The following ARHGEF28 variants were observed in gnomAD, a reference collection of about 807,000 sequenced individuals.
The protein encoded by ARHGEF28 is 190 kDa guanine nucleotide exchange factor.
In ARHGEF28, 152 loss-of-function variants were observed where a neutral mutation model predicts 206.6. That is an observed-to-expected ratio of 0.74 (90% CI 0.64 to 0.84). ARHGEF28 has a LOEUF of 0.84. ARHGEF28 is among the 40% of genes least tolerant of loss of function. ARHGEF28 has a pLI of 0.00. For missense variants in ARHGEF28, 2,028 were observed against 2,073.2 expected (o/e 0.98, Z 0.42); for synonymous variants, 763 against 776.4 (o/e 0.98, Z 0.29).
Position 73,909,789 on chromosome 5 carries a change from G to T in ARHGEF28, c.4539G>T (p.Leu1513=), listed in dbSNP as rs1452248837. The T allele has an allele frequency of 6.6e-7, 1 of 1,524,792 alleles. No individual in the cohort carries two copies. The highest frequency in any genetic ancestry group is 1.2e-5 in the South Asian group (1 of 80,056). The allele number at this position is 1,524,792 out of a possible 1,614,324, so 94.5% of individuals were successfully genotyped here. Residue 1513 remains leucine, a synonymous_variant, in exon 34 of 36, where the codon CTG becomes CTT. Transcript: ENST00000513042. ...AGCGGCTGAGGGAGGGCCAGCGCCT[G>T]GTGGAGAGGGAGCAGGCGAGGATGC... The part of the protein sequence containing the change: ...SLERLREGQR[L]VEREQARMRA...
chr5:73,758,055 C>T lies in ARHGEF28; in HGVS notation c.475+4853C>T, dbSNP rs1305116979. On this transcript the variant is annotated intron_variant, in intron 4 of 35. Transcript: ENST00000513042. The stretch of plus-strand genomic sequence containing the variant: ...CTTCCTGCTCCATCAAACTACCTCC[C>T]TCCACTTGTGTTCCCAGTAGCTTGA... Among the ~76,000 whole-genome samples the T allele has an allele frequency of 3.3e-5, 5 of 152,122 alleles. No individual in the cohort carries two copies. In the East Asian group the frequency reaches 9.6e-4, roughly 29 times the overall value.
intron 22 of ARHGEF28, among the ~76,000 whole-genome samples, chr5:73,878,263 T>C (rs1760665356): frequency 6.7e-6 from 1 of 149,834 alleles, no homozygotes; most frequent in South Asian, 2.1e-4. Flanking sequence ...CTTTTTTTGT[T>C]TTCCATTTGC....
intron 34 of ARHGEF28, among the ~76,000 whole-genome samples, chr5:73,910,130 C>G (rs554092814): frequency 6.6e-6 from 1 of 152,116 alleles, no homozygotes; most frequent in Non-Finnish European, 1.5e-5. Flanking sequence ...CCTGTAATCC[C>G]AGAACTTTGG....
At chr5:73,826,755 T>G (rs1756935497) in intron 9 of ARHGEF28, among the ~76,000 whole-genome samples, 1 of 152,172 alleles carries the variant, frequency 6.6e-6, no homozygotes. Context: ...CAATTCCCCT[T>G]CTTTCTATGG....
At chr5:73,628,605 C>T (rs1743156902) in intron 1 of ARHGEF28, among the ~76,000 whole-genome samples, 1 of 152,156 alleles carries the variant, frequency 6.6e-6, no homozygotes, top group Non-Finnish European at 1.5e-5. Flanking sequence ...ATCCCCCCAC[C>T]GGCCCCCGCC....
intron 14 of ARHGEF28, among the ~76,000 whole-genome samples, chr5:73,854,114 G>C (rs890262174): frequency 6.6e-6 from 1 of 151,728 alleles, no homozygotes. Flanking sequence ...ATATGCCTTG[G>C]TGTATCTAGT....
intron 16 of ARHGEF28, 58 bp from the exon 17 acceptor site, chr5:73,864,759 T>A: frequency 5.5e-6 from 8 of 1,451,444 alleles, no homozygotes; most frequent in Non-Finnish European, 7.6e-6. Context: ...TGTAGTCTTA[T>A]TAATTTCAGA....
chr5:73,894,500 C>A lies in ARHGEF28; in HGVS notation c.3766C>A (p.Pro1256Thr). 2.5e-6 allele frequency: 4 copies of A among 1,613,946 alleles called. No homozygotes were observed. The highest frequency in any genetic ancestry group is 3.4e-6 in the Non-Finnish European group (4 of 1,179,880). Residue 1256 changes from proline to threonine, a missense_variant, in exon 29 of 36, where the codon CCC becomes ACC. By Grantham distance (38) the Pro-to-Thr change is conservative. Around this residue, in one of 3 missense-constraint regions of ARHGEF28, gnomAD observed 803 missense variants for 768.0 expected, o/e 1.05. Transcript: ENST00000513042. ...CGGATTTGAGGACGTCCATCTAGAG[C>A]CCCACCTCCTTATTAAACCTGACCC... ...LSGFEDVHLEPHLLIKPDPGE... is the reference protein window; with the variant it reads ...LSGFEDVHLETHLLIKPDPGE...
chr5:73,755,351 A>C (rs533118136), intron 4 of ARHGEF28, among the ~76,000 whole-genome samples: 3 of 152,018 alleles, frequency 2.0e-5, no homozygotes, highest in Admixed American at 6.6e-5. Flanking sequence ...AAAGACACAA[A>C]AGTTTCATGA....
chr5:73,761,177 T>A lies in ARHGEF28; in HGVS notation c.475+7975T>A, dbSNP rs113317189. Among the ~76,000 whole-genome samples the A allele has an allele frequency of 5.9e-3, 906 of 152,294 alleles. 11 individuals are homozygous for A. The highest frequency in any genetic ancestry group is 0.021 in the African/African-American group (861 of 41,556). ...TCCCCTTAAAACGTAGCAGGATGCA[T>A]ATAGCAGTTTTTGCTTGCACGCAGA... On this transcript the variant is annotated intron_variant, in intron 4 of 35. Coordinates refer to ENST00000513042, the MANE Select transcript of ARHGEF28 (RefSeq NM_001177693.2).
At chr5:73,768,952 G>C (rs560858058) in intron 4 of ARHGEF28, among the ~76,000 whole-genome samples, 1 of 152,134 alleles carries the variant, frequency 6.6e-6, no homozygotes, top group Non-Finnish European at 1.5e-5. Flanking sequence ...CACGAGATCT[G>C]ATAGTTTTCA....
chr5:73,894,338 T>G, intron 28 of ARHGEF28, 55 bp from the exon 29 acceptor site: 1 of 1,481,966 alleles, frequency 6.7e-7, no homozygotes, highest in Non-Finnish European at 9.1e-7. Context: ...GACTTTCACA[T>G]TAGTGGTTGT....
At chr5:73,717,489 A>G (rs1044187361) in intron 2 of ARHGEF28, among the ~76,000 whole-genome samples, 2 of 152,126 alleles carry the variant, frequency 1.3e-5, no homozygotes, top group Non-Finnish European at 2.9e-5. Context: ...TATAATATGA[A>G]TATAATATTT....
intron 16 of ARHGEF28, among the ~76,000 whole-genome samples, chr5:73,859,369 G>A (rs1404214996): frequency 6.6e-6 from 1 of 152,196 alleles, no homozygotes; most frequent in Non-Finnish European, 1.5e-5. Flanking sequence ...GGTGGGATGG[G>A]AGCACAAAGG....
rs116770320 is a variant in ARHGEF28 at position 73,660,322 on chromosome 5, G to A, written c.-11-24519G>A. ...TGCAGCAGTTCAGTCCCATCTTATC[G>A]CTCCACTTCCAATTCTAATTCTCTT... On this transcript the variant is annotated intron_variant, in intron 1 of 35. Coordinates refer to ENST00000513042, the MANE Select transcript of ARHGEF28 (RefSeq NM_001177693.2). Among the ~76,000 whole-genome samples the A allele has an allele frequency of 5.0e-3, 763 of 152,104 alleles. 6 individuals are homozygous for A. Among genetic ancestry groups the A allele is most frequent in the African/African-American group, 0.018 (742 of 41,500 alleles).
At position 73,893,260 on chromosome 5, in the gene ARHGEF28, C is replaced by T; in HGVS notation, c.3630C>T (p.Ala1210=). The T allele has an allele frequency of 6.4e-7, 1 of 1,557,540 alleles. No individual in the cohort carries two copies. The highest frequency in any genetic ancestry group is 8.7e-7 in the Non-Finnish European group (1 of 1,150,870). Residue 1210 remains alanine, a synonymous_variant, in exon 28 of 36, where the codon GCC becomes GCT. Transcript: ENST00000513042. The part of the protein sequence containing the change: ...ESDEDKRKAE[A]RVAKIQQCQE... ...ATGAAGACAAGAGGAAAGCTGAAGC[C>T]AGAGTGGCCAAAATTCAGCAATGTC...
chr5:73,706,367 A>T (rs1225914577), intron 2 of ARHGEF28, among the ~76,000 whole-genome samples: 8 of 152,110 alleles, frequency 5.3e-5, no homozygotes. Flanking sequence ...CAAAAACAAC[A>T]ACAAAAACCA....
At chr5:73,718,188 A>G (rs72770830) in intron 2 of ARHGEF28, among the ~76,000 whole-genome samples, 32,990 of 152,004 alleles carry the variant, frequency 0.22, 3,808 homozygotes, top group African/African-American at 0.25. Context: ...TGTTTTTGGT[A>G]TGTATACTAG....
chr5:73,807,108 C>T (rs566112572), intron 9 of ARHGEF28, among the ~76,000 whole-genome samples: 11 of 150,082 alleles, frequency 7.3e-5, no homozygotes, highest in Admixed American at 1.3e-4. Context: ...TCCTGAAGTC[C>T]GTGGGTTCTT....
Sources: allele counts gnomAD v4.1 joint callset (sites outside exome capture counted in the v4.1 genomes callset), GRCh38; gene constraint gnomAD v4.1.1; regional missense constraint gnomAD v4.1.1; transcripts MANE v1.5; gene names NCBI Gene and HGNC (gene_info 2026-07-23, HGNC 2026-07-21).